PRKG1: variants seen among roughly 807,000 people sequenced by gnomAD.
PRKG1 encodes cGMP-dependent protein kinase 1.
A neutral mutation model predicts 88.1 loss-of-function variants in PRKG1; 35 were observed. That is an observed-to-expected ratio of 0.40 (90% confidence interval 0.30 to 0.53). The LOEUF is 0.53. Ranked by LOEUF, PRKG1 falls within the 20% of genes least tolerant of loss-of-function variation. PRKG1 has a pLI of 0.59. For synonymous variants in PRKG1, 303 were observed against 292.5 expected (o/e 1.04, Z -0.37); for missense variants, 540 against 839.8 (o/e 0.64, Z 4.41).
chr10:51,317,443 G>A (rs1841350517), intron 2 of PRKG1, among the ~76,000 whole-genome samples: 1 of 152,158 alleles, frequency 6.6e-6, no homozygotes, highest in South Asian at 2.1e-4. Flanking sequence ...ATTCATCTTA[G>A]TTCATTGTAT....
chr10:51,213,347 A>G (rs1486459296), intron 2 of PRKG1, among the ~76,000 whole-genome samples: 1 of 152,236 alleles, frequency 6.6e-6, no homozygotes, highest in Non-Finnish European at 1.5e-5. Context: ...GTATAGCATT[A>G]GGAGATATAC....
chr10:52,187,658 GTAA>G (rs1211477259), intron 9 of PRKG1, among the ~76,000 whole-genome samples: 4 of 152,160 alleles, frequency 2.6e-5, no homozygotes, highest in African/African-American at 9.7e-5. Context: ...CACCTTTGTG[GTAA>G]TCACTAACAA....
At chr10:51,884,996 C>G (rs551899862) in intron 4 of PRKG1, among the ~76,000 whole-genome samples, 4 of 152,288 alleles carry the variant, frequency 2.6e-5, no homozygotes, top group African/African-American at 9.6e-5. Flanking sequence ...ACACTATTCT[C>G]AGTGCTATAA....
chr10:51,622,732 T>C (rs895800293), intron 3 of PRKG1, among the ~76,000 whole-genome samples: 1 of 152,228 alleles, frequency 6.6e-6, no homozygotes, highest in Non-Finnish European at 1.5e-5. Flanking sequence ...CTGACCATTA[T>C]TGTCAAAGGG....
intron 5 of PRKG1, among the ~76,000 whole-genome samples, chr10:51,979,421 T>TTTG (rs1438967830): frequency 2.2e-5 from 3 of 136,070 alleles, no homozygotes; most frequent in Admixed American, 7.4e-5. Flanking sequence ...TTTTTTTTTT[T>TTTG]TTTTTTTTTT....
At chr10:51,276,686 G>T (rs1342436440) in intron 2 of PRKG1, among the ~76,000 whole-genome samples, 1 of 152,108 alleles carries the variant, frequency 6.6e-6, no homozygotes, top group African/African-American at 2.4e-5. Flanking sequence ...ATCTCACTGT[G>T]GTTTTGATTT....
chr10:51,206,715 G>A (rs535580883), intron 2 of PRKG1, among the ~76,000 whole-genome samples: 50 of 152,262 alleles, frequency 3.3e-4, no homozygotes, highest in African/African-American at 1.1e-3. Flanking sequence ...ACTCTTGTGT[G>A]ACTTTTTCAA....
At chr10:51,099,478 T>A (rs527813955) in intron 1 of PRKG1, among the ~76,000 whole-genome samples, 77 of 152,064 alleles carry the variant, frequency 5.1e-4, no homozygotes, top group Non-Finnish European at 1.0e-3. Context: ...TTCTCTAGTT[T>A]AAAGAGGTGT....
At chr10:51,953,546 A>G (rs1843233783) in intron 5 of PRKG1, among the ~76,000 whole-genome samples, 1 of 152,160 alleles carries the variant, frequency 6.6e-6, no homozygotes, top group African/African-American at 2.4e-5. Flanking sequence ...ATGAAAAGGA[A>G]TTACTCATGA....
chr10:51,544,415 A>G (rs1044464233), intron 3 of PRKG1, among the ~76,000 whole-genome samples: 10 of 151,990 alleles, frequency 6.6e-5, no homozygotes, highest in Admixed American at 5.2e-4. Flanking sequence ...ATAGTATTCC[A>G]TGGTGTATAT....
chr10:51,197,455 A>G (rs140627830), intron 2 of PRKG1, among the ~76,000 whole-genome samples: 5,233 of 151,852 alleles, frequency 0.034, 291 homozygotes, highest in African/African-American at 0.12. Context: ...TATTTTTAAT[A>G]GAGGCGGGGT....
rs547480970 is a variant in PRKG1 at position 51,680,844 on chromosome 10, T to C, written c.593-123741T>C. Among the ~76,000 whole-genome samples, 4 of 152,330 alleles carry C rather than the reference T, an allele frequency of 2.6e-5. No homozygotes were observed. In the South Asian group the frequency reaches 8.3e-4, roughly 32 times the overall value. ...CAGGATCCGTTCTGGTTTTGCTGAA[T>C]CCTCATTGCTTGTAACATGGTGGCA... is the stretch of plus-strand genomic sequence containing the variant. On this transcript the variant is annotated intron_variant, in intron 3 of 17. Transcript: ENST00000373980.
intron 8 of PRKG1, among the ~76,000 whole-genome samples, chr10:52,144,800 G>A (rs1490549098): frequency 2.6e-5 from 4 of 152,022 alleles, no homozygotes; most frequent in African/African-American, 4.8e-5. Flanking sequence ...CTGGGCGACC[G>A]AGCAGACTCT....
At chr10:52,037,558 G>A (rs1299595753) in intron 5 of PRKG1, among the ~76,000 whole-genome samples, 5 of 152,180 alleles carry the variant, frequency 3.3e-5, no homozygotes, top group Admixed American at 6.5e-5. Flanking sequence ...CATGAACTGG[G>A]CTGGATTTTT....
At chr10:51,693,942 A>G (rs1245374125) in intron 3 of PRKG1, among the ~76,000 whole-genome samples, 1 of 152,196 alleles carries the variant, frequency 6.6e-6, no homozygotes, top group East Asian at 1.9e-4. Flanking sequence ...ATATATAAGC[A>G]CATTATATAG....
chr10:51,472,203 G>A (rs933145337), intron 3 of PRKG1, among the ~76,000 whole-genome samples: 3 of 151,844 alleles, frequency 2.0e-5, no homozygotes, highest in Non-Finnish European at 2.9e-5. Flanking sequence ...TGTTTTAAGA[G>A]CAAAGTTTAA....
chr10:51,883,060 A>T (rs772388881), intron 4 of PRKG1, among the ~76,000 whole-genome samples: 1 of 152,244 alleles, frequency 6.6e-6, no homozygotes, highest in Non-Finnish European at 1.5e-5. Flanking sequence ...GTGGGCAGAC[A>T]TCATCCAACC....
At position 51,770,956 on chromosome 10, in the gene PRKG1, A is replaced by C. The variant is rs189055624; in HGVS notation, c.593-33629A>C. Among the ~76,000 whole-genome samples, 417 of 152,324 alleles carry C rather than the reference A, an allele frequency of 2.7e-3. 2 individuals are homozygous for C. Among genetic ancestry groups the C allele is most frequent in the African/African-American group, 9.1e-3 (380 of 41,580 alleles). On this transcript the variant is annotated intron_variant, in intron 3 of 17. Coordinates refer to ENST00000373980, the MANE Select transcript of PRKG1 (RefSeq NM_006258.4). ...TTTCATCAGTGTGCAAACATCACAG[A>C]GTGTAATTACACAAACCTACATGGT...
At chr10:51,962,371 GA>G (rs1843468209) in intron 5 of PRKG1, among the ~76,000 whole-genome samples, 1 of 150,066 alleles carries the variant, frequency 6.7e-6, no homozygotes, top group Non-Finnish European at 1.5e-5. Context: ...CTTACCCAAA[GA>G]TGGGTAGACT....
Sources: gnomAD v4.1 joint callset for allele counts (sites outside exome capture counted in the v4.1 genomes callset) on GRCh38, gnomAD v4.1.1 for gene constraint, MANE v1.5 for transcripts, NCBI Gene and HGNC (gene_info 2026-07-23, HGNC 2026-07-21) for gene names.